PTBP3: variants seen among roughly 807,000 people sequenced by gnomAD.
The protein encoded by PTBP3 is polypyrimidine tract binding protein 3.
In PTBP3, 20 loss-of-function variants were observed where a neutral mutation model predicts 58.7. That is an observed-to-expected ratio of 0.34 (90% CI 0.24 to 0.50). The LOEUF (loss-of-function observed/expected upper bound fraction) is 0.50, where lower values mean the gene tolerates loss of function less well. PTBP3 is among the 20% of genes least tolerant of loss of function. PTBP3 has a pLI of 0.98. For missense variants in PTBP3, 509 were observed against 637.2 expected, an observed-to-expected ratio of 0.80 and a Z score of 2.17; for synonymous variants, 185 against 219.8, an observed-to-expected ratio of 0.84 and a Z score of 1.40.
At chr9:112,305,614 CGT>C (rs1829151042) in intron 1 of PTBP3, among the ~76,000 whole-genome samples, 1 of 152,112 alleles carries the variant, frequency 6.6e-6, no homozygotes, top group South Asian at 2.1e-4. Context: ...TTTTAATCTG[CGT>C]CCTTTTCCTC....
chr9:112,256,857 C>CTTTTT (rs3983406), intron 5 of PTBP3, among the ~76,000 whole-genome samples: 84,693 of 151,412 alleles, frequency 0.56, 25,556 homozygotes, highest in African/African-American at 0.81. Flanking sequence ...TTTTTTAAAG[C>CTTTTT]TTTCATTTTT....
At position 112,300,174 on chromosome 9, in the gene PTBP3, T is replaced by G. The variant is rs371826739; in HGVS notation, c.-51-2258A>C. Among the ~76,000 whole-genome samples, 10 of 152,302 alleles carry G rather than the reference T, an allele frequency of 6.6e-5. No homozygotes were observed. In the East Asian group the frequency reaches 1.7e-3, roughly 27 times the overall value. The stretch of plus-strand genomic sequence containing the variant: ...TAGTGAGAGTGTAAATTGGTACCAC[T>G]TGGAAAACTGTCTGATCCAATCTAT... On this transcript the variant is annotated intron_variant, in intron 1 of 13. Coordinates refer to ENST00000374257, the MANE Select transcript of PTBP3 (RefSeq NM_001163788.4).
At chr9:112,227,150 T>A (rs892578016) in intron 12 of PTBP3, among the ~76,000 whole-genome samples, 8 of 152,236 alleles carry the variant, frequency 5.3e-5, no homozygotes, top group Non-Finnish European at 1.0e-4. Flanking sequence ...GAATTTTTTT[T>A]ATGACCTTTG....
At chr9:112,333,139 G>T (rs1830448346) in intron 1 of PTBP3, 2 of 1,243,730 alleles carry the variant, frequency 1.6e-6, no homozygotes, top group Middle Eastern at 3.1e-4. Context: ...GCCGAGCTGG[G>T]CTCCCCGGAC....
At chr9:112,328,244 A>G (rs2132479017) in intron 1 of PTBP3, among the ~76,000 whole-genome samples, 1 of 152,370 alleles carries the variant, frequency 6.6e-6, no homozygotes, top group East Asian at 1.9e-4. Flanking sequence ...ATCTAGATGA[A>G]TTATGAGCCT....
chr9:112,375,651 C>G, the PTBP3 span, among the ~76,000 whole-genome samples: 1 of 152,130 alleles, frequency 6.6e-6, no homozygotes, highest in African/African-American at 2.4e-5. Context: ...GCATTTGAGC[C>G]ACTTCCTCAT....
chr9:112,221,294 C>G lies in PTBP3; in HGVS notation c.*2557G>C. ...ACACACACACATTCACACACACACA[C>G]AAACACACCCCTACACAAATCCCTG... is the stretch of plus-strand genomic sequence containing the variant. On this transcript the variant is annotated 3_prime_UTR_variant, in exon 14 of 14. Coordinates refer to ENST00000374257, the MANE Select transcript of PTBP3 (RefSeq NM_001163788.4). 1.0e-6 allele frequency: 1 copy of G among 985,634 alleles called. No individual in the cohort carries two copies. Among genetic ancestry groups the G allele is most frequent in the Non-Finnish European group, 1.2e-6 (1 of 829,780 alleles). The allele number at this position is 985,634 out of a possible 1,614,324, so 61.1% of individuals were successfully genotyped here.
chr9:112,363,277 G>A, the PTBP3 span, among the ~76,000 whole-genome samples: 1 of 152,192 alleles, frequency 6.6e-6, no homozygotes, highest in East Asian at 1.9e-4. Context: ...GGGCTTGGTA[G>A]CACACGCTTG....
the PTBP3 span, among the ~76,000 whole-genome samples, chr9:112,356,874 CTT>C: frequency 4.4e-5 from 4 of 91,528 alleles, no homozygotes; most frequent in East Asian, 3.8e-4. Flanking sequence ...TCATTTCCCT[CTT>C]TTTTTTTTTT....
At chr9:112,227,065 C>T (rs1351891482) in intron 12 of PTBP3, among the ~76,000 whole-genome samples, 1 of 152,140 alleles carries the variant, frequency 6.6e-6, no homozygotes, top group Non-Finnish European at 1.5e-5. Flanking sequence ...TTGATTTTGT[C>T]ATATTGGTTA....
At chr9:112,255,586 C>G (rs1001231269) in intron 5 of PTBP3, among the ~76,000 whole-genome samples, 1 of 152,094 alleles carries the variant, frequency 6.6e-6, no homozygotes, top group Non-Finnish European at 1.5e-5. Flanking sequence ...TTATATTTTC[C>G]CGTACTGAAA....
intron 1 of PTBP3, among the ~76,000 whole-genome samples, chr9:112,307,615 G>C (rs1829276837): frequency 6.6e-6 from 1 of 151,992 alleles, no homozygotes; most frequent in South Asian, 2.1e-4. Context: ...AAAAACAAAA[G>C]ACAAAGAGAA....
chr9:112,228,623 A>G (rs929306884), intron 10 of PTBP3, 151 bp from the exon 11 acceptor site: 1 of 544,256 alleles, frequency 1.8e-6, no homozygotes, highest in Non-Finnish European at 3.2e-6. Flanking sequence ...AAAGTTCCAG[A>G]TCTATTCATG....
intron 2 of PTBP3, among the ~76,000 whole-genome samples, chr9:112,290,840 C>T (rs1589874527): frequency 1.3e-5 from 2 of 151,518 alleles, no homozygotes; most frequent in Non-Finnish European, 2.9e-5. Context: ...AGATAAGCAC[C>T]TGCATATCCT....
At chr9:112,309,716 A>T (rs1829396158) in intron 1 of PTBP3, among the ~76,000 whole-genome samples, 1 of 151,148 alleles carries the variant, frequency 6.6e-6, no homozygotes, top group African/African-American at 2.4e-5. Context: ...TCAACCAGGG[A>T]GGTGGAGGCT....
chr9:112,230,911 A>G (rs1835173226), intron 10 of PTBP3, among the ~76,000 whole-genome samples: 1 of 152,194 alleles, frequency 6.6e-6, no homozygotes, highest in South Asian at 2.1e-4. Context: ...GTTCTTAGGT[A>G]AAAACCAAAT....
chr9:112,357,792 T>G, the PTBP3 span, among the ~76,000 whole-genome samples: 1 of 152,208 alleles, frequency 6.6e-6, no homozygotes, highest in Non-Finnish European at 1.5e-5. Context: ...CATTTTTGAC[T>G]TCTTATTCAC....
intron 1 of PTBP3, chr9:112,332,710 G>T: frequency 1.3e-6 from 2 of 1,557,866 alleles, no homozygotes; most frequent in Non-Finnish European, 1.7e-6. Context: ...TTTTATTTTG[G>T]TCACGGACCC....
rs1589854491 is a variant in PTBP3, at chr9:112,276,478, A to ACC, written c.35-466_35-465insGG. 1.6e-4 allele frequency among the ~76,000 whole-genome samples: 25 copies of ACC among 152,200 alleles called. 1 individual carries two copies. The East Asian group carries it at 4.1e-3, about 25-fold the overall frequency. On this transcript the variant is annotated intron_variant, in intron 2 of 13. Transcript: ENST00000374257. ...CTAAGGAGATATGGATTTGAATTGT[A>ACC]TATTTATTAAAATAAAGTTTATTTC...
Sources: gnomAD v4.1 joint callset for allele counts (sites outside exome capture counted in the v4.1 genomes callset) on GRCh38, gnomAD v4.1.1 for gene constraint, MANE v1.5 for transcripts, NCBI Gene and HGNC (gene_info 2026-07-23, HGNC 2026-07-21) for gene names.